Variants in RNF144B observed in about 807,000 individuals in gnomAD.
RNF144B encodes the protein ring finger protein 144B, also known as E3 ubiquitin-protein ligase RNF144B.
In RNF144B, 25 loss-of-function variants were observed where a neutral mutation model predicts 40.2. The observed-to-expected ratio is 0.62, with a 90% CI of 0.45 to 0.87. RNF144B has a LOEUF of 0.87. RNF144B is among the 40% of genes least tolerant of loss of function. The probability of loss-of-function intolerance (pLI) is 0.00; values close to 1 mark genes in which losing one functional copy is unlikely to be tolerated. For synonymous variants in RNF144B, 145 were observed against 136.3 expected, an observed-to-expected ratio of 1.06 and a Z score of -0.44; for missense variants, 365 against 373.7, an observed-to-expected ratio of 0.98 and a Z score of 0.19.
rs2113538306 is a variant in RNF144B at position 18,459,999 on chromosome 6, C to T, written c.681+248C>T. On this transcript the variant is annotated intron_variant, in intron 6 of 7. Transcript: ENST00000259939. The surrounding 1 kb of genome is among the most constrained non-coding windows in gnomAD (Gnocchi z 4.2). The stretch of plus-strand genomic sequence containing the variant: ...TTCAGGGCATTTCTTGCTATTTGCA[C>T]ATTGTCTCTATTATGTAAAGGACTA... 6.6e-6 allele frequency among the ~76,000 whole-genome samples: 1 copy of T among 152,298 alleles called. No individual in the cohort carries two copies. The highest frequency in any genetic ancestry group is 2.1e-4 in the South Asian group (1 of 4,824).
chr6:18,390,246 T>G (rs554306512), intron 1 of RNF144B, among the ~76,000 whole-genome samples: 2 of 152,360 alleles, frequency 1.3e-5, no homozygotes, highest in South Asian at 4.1e-4. Flanking sequence ...GACACCTAAG[T>G]TAATTTATGT....
chr6:18,399,790 G>C, intron 2 of RNF144B, 91 bp downstream of exon 2: 2 of 1,015,948 alleles, frequency 2.0e-6, no homozygotes, highest in Non-Finnish European at 3.0e-6. Flanking sequence ...TGAGAAACCA[G>C]AGTGTGCTAC....
intron 6 of RNF144B, 149 bp from the exon 7 acceptor site, chr6:18,463,142 A>G: frequency 3.4e-6 from 2 of 586,284 alleles, no homozygotes; most frequent in Non-Finnish European, 6.1e-6. Flanking sequence ...AACTACCAAG[A>G]TAAAGATTAC....
rs191146999 is a variant in RNF144B, at chr6:18,400,454, T to C, written c.165+755T>C. Among the ~76,000 whole-genome samples the C allele has an allele frequency of 6.6e-6, 1 of 152,292 alleles. No homozygotes were observed. Among genetic ancestry groups the C allele is most frequent in the East Asian group, 1.9e-4 (1 of 5,188 alleles). ...AATTGTACTTTGTCATAGCTCCTTT[T>C]ATGCTGTTTTCACAGTATGCTGAAT... On this transcript the variant is annotated intron_variant, in intron 2 of 7. Transcript: ENST00000259939. This position sits in a 1 kb window ranked among gnomAD's most constrained non-coding sequence, Gnocchi z 5.6.
At chr6:18,429,260 T>G (rs1758637642) in intron 3 of RNF144B, among the ~76,000 whole-genome samples, 1 of 151,954 alleles carries the variant, frequency 6.6e-6, no homozygotes, top group Non-Finnish European at 1.5e-5. Context: ...GATAAAGGAC[T>G]TAATAATTGG....
chr6:18,387,864 C>G (rs143833046), intron 1 of RNF144B, among the ~76,000 whole-genome samples: 1 of 152,152 alleles, frequency 6.6e-6, no homozygotes, highest in Non-Finnish European at 1.5e-5. Flanking sequence ...AAAACAGTTT[C>G]TATAATAGAA....
At position 18,434,174 on chromosome 6, in the gene RNF144B, A is replaced by G. The variant is rs995768335; in HGVS notation, c.271-5510A>G. 1.3e-5 allele frequency among the ~76,000 whole-genome samples: 2 copies of G among 152,196 alleles called. No individual in the cohort carries two copies. Among genetic ancestry groups the G allele is most frequent in the Non-Finnish European group, 2.9e-5 (2 of 68,026 alleles). ...TTGGGCTTTCCGGACTCTGATGGGTAGCAGTTCTCTAAAGCCTATCCCCAA... is the reference window on the plus strand; with the variant it reads ...TTGGGCTTTCCGGACTCTGATGGGTGGCAGTTCTCTAAAGCCTATCCCCAA... On this transcript the variant is annotated intron_variant, in intron 3 of 7. Coordinates refer to ENST00000259939, the MANE Select transcript of RNF144B (RefSeq NM_182757.4). This position sits in a 1 kb window ranked among gnomAD's most constrained non-coding sequence, Gnocchi z 4.1.
rs919791919 is a variant in RNF144B, at chr6:18,414,557, C to G, written c.166-13024C>G. 6.6e-6 allele frequency among the ~76,000 whole-genome samples: 1 copy of G among 152,030 alleles called. No homozygotes were observed. The highest frequency in any genetic ancestry group is 2.4e-5 in the African/African-American group (1 of 41,404). On this transcript the variant is annotated intron_variant, in intron 2 of 7. Transcript: ENST00000259939. The surrounding 1 kb of genome is among the most constrained non-coding windows in gnomAD (Gnocchi z 4.9). ...ATTCAGATAGTTATTAATATTGCTA[C>G]CACTAGTTTTATTTAAAAATGTTTT...
Position 18,421,271 on chromosome 6 carries a change from T to TACACACACAC in RNF144B, c.166-6309_166-6308insCACACACACA, listed in dbSNP as rs200527921. On this transcript the variant is annotated intron_variant, in intron 2 of 7. Transcript: ENST00000259939. The stretch of plus-strand genomic sequence containing the variant: ...CATCTCAAAAAAAAAAATTATATAT[T>TACACACACAC]ATACACACACACACACACACACACA... Among the ~76,000 whole-genome samples, 128 of 131,002 alleles carry TACACACACAC rather than the reference T, an allele frequency of 9.8e-4. 1 individual carries two copies. The highest frequency in any genetic ancestry group is 8.2e-3 in the Middle Eastern group (2 of 244). 85.9% of individuals were successfully genotyped at this position (131,002 alleles called of 152,430 possible).
intron 1 of RNF144B, 143 bp downstream of exon 1, chr6:18,387,773 GAATTCATTCT>G: frequency 1.9e-6 from 1 of 521,420 alleles, no homozygotes; most frequent in Non-Finnish European, 3.0e-6. Context: ...ATACAGAACT[GAATTCATTCT>G]GAATGCCTTA....
At chr6:18,423,363 A>G (rs1256996670) in intron 2 of RNF144B, among the ~76,000 whole-genome samples, 3 of 152,224 alleles carry the variant, frequency 2.0e-5, no homozygotes, top group Admixed American at 2.0e-4. Flanking sequence ...TTTCTTAGAA[A>G]AAAAAACTTT....
chr6:18,422,270 G>T lies in RNF144B; in HGVS notation c.166-5311G>T, dbSNP rs1379307373. Among the ~76,000 whole-genome samples the T allele has an allele frequency of 6.6e-6, 1 of 152,132 alleles. No homozygotes were observed. The highest frequency in any genetic ancestry group is 1.9e-4 in the East Asian group (1 of 5,186). On this transcript the variant is annotated intron_variant, in intron 2 of 7. Transcript: ENST00000259939. The surrounding 1 kb of genome is among the most constrained non-coding windows in gnomAD (Gnocchi z 4.7). ...TCTAACAAAGGCAGTCTTATTCTTG[G>T]ATCATGTGTACAGATCATAGTCTGA...
At chr6:18,404,984 G>A (rs1244816166) in intron 2 of RNF144B, among the ~76,000 whole-genome samples, 3 of 152,018 alleles carry the variant, frequency 2.0e-5, no homozygotes, top group African/African-American at 7.2e-5. Context: ...TTCTGGTCAT[G>A]AGACCTGCCA....
Position 18,459,854 on chromosome 6 carries a change from C to T in RNF144B, c.681+103C>T. ...TTTAAAATATTGGGGCAATTTTTGTCCTGCAAAAGGAATTTATTTTTCTTA... is the reference window on the plus strand; with the variant it reads ...TTTAAAATATTGGGGCAATTTTTGTTCTGCAAAAGGAATTTATTTTTCTTA... On this transcript the variant is annotated intron_variant, in intron 6 of 7. Transcript: ENST00000259939. The surrounding 1 kb of genome is among the most constrained non-coding windows in gnomAD (Gnocchi z 4.2). 2.8e-6 allele frequency: 3 copies of T among 1,060,630 alleles called. No individual in the cohort carries two copies. Among genetic ancestry groups the T allele is most frequent in the South Asian group, 3.8e-5 (2 of 52,592 alleles). 65.7% of individuals were successfully genotyped at this position (1,060,630 alleles called of 1,614,324 possible).
intron 4 of RNF144B, among the ~76,000 whole-genome samples, chr6:18,451,187 A>T (rs984040397): frequency 6.6e-6 from 1 of 152,024 alleles, no homozygotes; most frequent in African/African-American, 2.4e-5. Context: ...CATTGTATTC[A>T]TTTTAAACAT....
In RNF144B at chr6:18,387,583, G is replaced by C. The variant is rs774570482; in HGVS notation, c.-84G>C. 2.3e-6 allele frequency: 3 copies of C among 1,324,596 alleles called. No individual in the cohort carries two copies. The East Asian group carries it at 1.4e-4, about 64-fold the overall frequency. The allele number at this position is 1,324,596 out of a possible 1,614,324, so 82.1% of individuals were successfully genotyped here. On this transcript the variant is annotated 5_prime_UTR_variant, in exon 1 of 8. Coordinates refer to ENST00000259939, the MANE Select transcript of RNF144B (RefSeq NM_182757.4). Reference sequence around the variant, plus strand: ...GCCCGGACTGGCGGTGAGCGCGAGGGAGGCTACTGAGAAGCCCGGCGACGG... The same window carrying C: ...GCCCGGACTGGCGGTGAGCGCGAGGCAGGCTACTGAGAAGCCCGGCGACGG...
At chr6:18,427,257 T>G (rs931713590) in intron 2 of RNF144B, among the ~76,000 whole-genome samples, 1 of 32,894 alleles carries the variant, frequency 3.0e-5, no homozygotes, top group Non-Finnish European at 1.3e-4. Context: ...GGAACTCATA[T>G]TTTTTTTTTT....
rs893137536 is a variant in RNF144B at position 18,416,024 on chromosome 6, T to C, written c.166-11557T>C. 6.6e-6 allele frequency among the ~76,000 whole-genome samples: 1 copy of C among 152,184 alleles called. No individual in the cohort carries two copies. The highest frequency in any genetic ancestry group is 2.4e-5 in the African/African-American group (1 of 41,450). On this transcript the variant is annotated intron_variant, in intron 2 of 7. Transcript: ENST00000259939. The surrounding 1 kb of genome is among the most constrained non-coding windows in gnomAD (Gnocchi z 5.5). ...CACTGCCTGTGCTGGGTCTGTGTGC[T>C]AAGGCTTTGGTGTCAGCTGAGGGCT...
chr6:18,426,333 T>G (rs1169877562), intron 2 of RNF144B, among the ~76,000 whole-genome samples: 1 of 152,234 alleles, frequency 6.6e-6, no homozygotes, highest in African/African-American at 2.4e-5. Context: ...AACTTGACTT[T>G]TTTTTGGTCA....
Sources: gnomAD v4.1 joint callset for allele counts (sites outside exome capture counted in the v4.1 genomes callset) on GRCh38, gnomAD v4.1.1 for gene constraint, Gnocchi (gnomAD v3.1) non-coding constraint, MANE v1.5 for transcripts, NCBI Gene and HGNC (gene_info 2026-07-23, HGNC 2026-07-21) for gene names.